Variants in UBE2E2 observed in about 807,000 individuals in gnomAD.
The protein encoded by UBE2E2 is ubiquitin conjugating enzyme E2 E2, also known as ubiquitin-conjugating enzyme E2 E2.
A neutral mutation model predicts 24.7 loss-of-function variants in UBE2E2; 6 were observed. That is an observed-to-expected ratio of 0.24 (90% confidence interval 0.13 to 0.48). The LOEUF (loss-of-function observed/expected upper bound fraction) is 0.48. Ranked by LOEUF, UBE2E2 falls within the 20% of genes least tolerant of loss-of-function variation. UBE2E2 has a pLI of 0.99. For synonymous variants in UBE2E2, 104 were observed against 83.6 expected (o/e 1.24, Z -1.33); for missense variants, 169 against 245.0 (o/e 0.69, Z 2.07).
rs534660655 is a variant in UBE2E2, at chr3:23,251,689, G to A, written c.227+34377G>A. Reference sequence around the variant, plus strand: ...AGAATTAACATATTCAAACCATAAAGCATGTATGCAAACAGTATTCCCATA... The same window carrying A: ...AGAATTAACATATTCAAACCATAAAACATGTATGCAAACAGTATTCCCATA... On this transcript the variant is annotated intron_variant, in intron 3 of 5. Coordinates refer to ENST00000396703, the MANE Select transcript of UBE2E2 (RefSeq NM_152653.4). Among the ~76,000 whole-genome samples, 155 of 152,246 alleles carry A rather than the reference G, an allele frequency of 1.0e-3. 2 individuals are homozygous for A. In the South Asian group the frequency reaches 0.03, roughly 30 times the overall value.
chr3:23,566,100 C>G (rs1696067399), intron 5 of UBE2E2, among the ~76,000 whole-genome samples: 1 of 152,164 alleles, frequency 6.6e-6, no homozygotes, highest in Non-Finnish European at 1.5e-5. Context: ...TTGCAGTAGT[C>G]TTAGCCCTCT....
At chr3:23,249,691 T>C (rs1302621180) in intron 3 of UBE2E2, among the ~76,000 whole-genome samples, 3 of 152,082 alleles carry the variant, frequency 2.0e-5, no homozygotes, top group Non-Finnish European at 4.4e-5. Context: ...AGTCTTGCTC[T>C]TTCGCGCAGA....
At chr3:23,437,740 C>G (rs573051241) in intron 3 of UBE2E2, among the ~76,000 whole-genome samples, 1 of 152,206 alleles carries the variant, frequency 6.6e-6, no homozygotes, top group South Asian at 2.1e-4. Flanking sequence ...TGGATTTCTA[C>G]GTCCTTTTGG....
At chr3:23,346,766 G>T (rs903128658) in intron 3 of UBE2E2, among the ~76,000 whole-genome samples, 5 of 152,098 alleles carry the variant, frequency 3.3e-5, no homozygotes, top group African/African-American at 1.2e-4. Flanking sequence ...ATAGAGTCAT[G>T]AACAACTATG....
intron 3 of UBE2E2, among the ~76,000 whole-genome samples, chr3:23,349,136 A>T (rs1420769193): frequency 6.6e-6 from 1 of 152,190 alleles, no homozygotes; most frequent in Non-Finnish European, 1.5e-5. Context: ...AACTACTGGC[A>T]CAGCTTGCCT....
chr3:23,498,566 T>A (rs548354946), intron 3 of UBE2E2, among the ~76,000 whole-genome samples: 1 of 152,332 alleles, frequency 6.6e-6, no homozygotes, highest in South Asian at 2.1e-4. Context: ...CTCCCTCCAT[T>A]TATTTAACTC....
chr3:23,581,374 T>C (rs751070616), intron 5 of UBE2E2, among the ~76,000 whole-genome samples: 2 of 152,238 alleles, frequency 1.3e-5, no homozygotes, highest in South Asian at 2.1e-4. Flanking sequence ...AGATAAAGTC[T>C]GGATCACAGA....
chr3:23,296,956 C>T (rs1698928222), intron 3 of UBE2E2, among the ~76,000 whole-genome samples: 1 of 152,178 alleles, frequency 6.6e-6, no homozygotes, highest in Non-Finnish European at 1.5e-5. Flanking sequence ...TTCTCCACAT[C>T]CTCTCCAGCA....
chr3:23,420,148 G>C (rs1297777187), intron 3 of UBE2E2, among the ~76,000 whole-genome samples: 2 of 152,092 alleles, frequency 1.3e-5, no homozygotes, highest in African/African-American at 4.8e-5. Context: ...AATTATTATT[G>C]TTTCAGTTAT....
At chr3:23,463,438 G>A (rs1698854393) in intron 3 of UBE2E2, among the ~76,000 whole-genome samples, 1 of 152,052 alleles carries the variant, frequency 6.6e-6, no homozygotes, top group South Asian at 2.1e-4. Context: ...TAAGCAATGA[G>A]AGGTCCAAGA....
intron 4 of UBE2E2, among the ~76,000 whole-genome samples, chr3:23,530,443 G>T (rs575108441): frequency 6.6e-6 from 1 of 152,214 alleles, no homozygotes; most frequent in South Asian, 2.1e-4. Flanking sequence ...ATTCAGAATT[G>T]TTACTGTTTT....
chr3:23,520,542 T>C (rs1208131747), intron 4 of UBE2E2, among the ~76,000 whole-genome samples: 1 of 152,262 alleles, frequency 6.6e-6, no homozygotes, highest in African/African-American at 2.4e-5. Flanking sequence ...ATGTCTCTTT[T>C]GTGTGTTGTA....
intron 3 of UBE2E2, among the ~76,000 whole-genome samples, chr3:23,483,328 T>C (rs1351186850): frequency 6.6e-6 from 1 of 152,250 alleles, no homozygotes; most frequent in East Asian, 1.9e-4. Context: ...GAAAAATATA[T>C]GTGAATGATA....
At chr3:23,529,003 A>G (rs548557171) in intron 4 of UBE2E2, among the ~76,000 whole-genome samples, 1 of 152,312 alleles carries the variant, frequency 6.6e-6, no homozygotes, top group East Asian at 1.9e-4. Context: ...AACAGCTTGG[A>G]TGGATCTTAA....
intron 3 of UBE2E2, among the ~76,000 whole-genome samples, chr3:23,266,261 G>T (rs1372058749): frequency 6.6e-6 from 1 of 152,076 alleles, no homozygotes; most frequent in Non-Finnish European, 1.5e-5. Flanking sequence ...TTACAATTTG[G>T]CATGATTTTG....
At chr3:23,317,293 G>C (rs954458704) in intron 3 of UBE2E2, among the ~76,000 whole-genome samples, 2 of 152,210 alleles carry the variant, frequency 1.3e-5, no homozygotes, top group African/African-American at 2.4e-5. Flanking sequence ...CCTGTGGCTA[G>C]TGCTGGTCTC....
chr3:23,548,071 T>C (rs902536137), intron 5 of UBE2E2, among the ~76,000 whole-genome samples: 4 of 152,160 alleles, frequency 2.6e-5, no homozygotes, highest in African/African-American at 9.7e-5. Flanking sequence ...CAAATCAGTG[T>C]GAACTACTGG....
chr3:23,215,204 C>T (rs1452187168), intron 2 of UBE2E2, among the ~76,000 whole-genome samples: 1 of 152,086 alleles, frequency 6.6e-6, no homozygotes, highest in Non-Finnish European at 1.5e-5. Flanking sequence ...TTTATATTAG[C>T]TACACTTAAT....
At chr3:23,273,502 G>T (rs1698303618) in intron 3 of UBE2E2, among the ~76,000 whole-genome samples, 1 of 148,134 alleles carries the variant, frequency 6.8e-6, no homozygotes, top group Admixed American at 6.8e-5. Flanking sequence ...CTGCACTCCA[G>T]CCTGGGCGAC....
Sources: gnomAD v4.1 joint callset for allele counts (sites outside exome capture counted in the v4.1 genomes callset) on GRCh38, gnomAD v4.1.1 for gene constraint, MANE v1.5 for transcripts, NCBI Gene and HGNC (gene_info 2026-07-23, HGNC 2026-07-21) for gene names.